Variants in PHC2 observed in about 807,000 individuals in gnomAD.
PHC2 encodes the protein polyhomeotic-like protein 2.
PHC2 carries 29 observed loss-of-function variants against 87.4 expected under a neutral mutation model. That is an observed-to-expected ratio of 0.33 (90% CI 0.25 to 0.45). The LOEUF is 0.45. Among genes scored for constraint, PHC2 ranks in the 20% least tolerant of loss-of-function variants. The probability of loss-of-function intolerance (pLI) is 1.00; values close to 1 mark genes in which losing one functional copy is unlikely to be tolerated. For missense variants in PHC2, 857 were observed against 1,136.7 expected (o/e 0.75, Z 3.54); for synonymous variants, 438 against 461.7 (o/e 0.95, Z 0.66).
At chr1:33,335,975 TTTGTTGTTG>T (rs112382571) in intron 9 of PHC2, among the ~76,000 whole-genome samples, 9 of 149,360 alleles carry the variant, frequency 6.0e-5, no homozygotes, top group East Asian at 2.0e-4. Context: ...AGCTCATGTT[TTTGTTGTTG>T]TTGTTGTTGT....
chr1:33,362,662 T>TA lies in PHC2; in HGVS notation c.976+4453dup, dbSNP rs561632852. Among the ~76,000 whole-genome samples, 14 of 152,326 alleles carry TA rather than the reference T, an allele frequency of 9.2e-5. 1 individual carries two copies. In the South Asian group the frequency reaches 2.9e-3, roughly 32 times the overall value. ...AGGGAAAAGGAAGGAGGGTCCCGCT[T>TA]ACACACACAGATGGTCACACGCGCA... On this transcript the variant is annotated intron_variant, in intron 7 of 14. Coordinates refer to ENST00000683057, the MANE Select transcript of PHC2 (RefSeq NM_001385109.1).
chr1:33,365,851 C>T (rs1423549332), intron 7 of PHC2, among the ~76,000 whole-genome samples: 2 of 147,236 alleles, frequency 1.4e-5, no homozygotes, highest in Non-Finnish European at 2.9e-5. Context: ...TTGCTTTTCT[C>T]TGCCTGGGAA....
chr1:33,335,104 T>C (rs55663007), intron 9 of PHC2: 1 of 705,274 alleles, frequency 1.4e-6, no homozygotes, highest in Non-Finnish European at 1.7e-6. Context: ...TCCTTCCCCA[T>C]GGGCCTGCTA....
intron 1 of PHC2, among the ~76,000 whole-genome samples, chr1:33,416,584 G>GAAAAAAAAAAAA (rs61591207): frequency 1.7e-5 from 2 of 115,822 alleles, no homozygotes; most frequent in African/African-American, 6.5e-5. Context: ...TCAAAAAAAA[G>GAAAAAAAAAAAA]AAAAAAAAAA....
At chr1:33,420,379 A>G (rs990652986) in intron 1 of PHC2, among the ~76,000 whole-genome samples, 1 of 152,200 alleles carries the variant, frequency 6.6e-6, no homozygotes, top group African/African-American at 2.4e-5. Context: ...ACAGCTTACT[A>G]AGGTCGCTAG....
intron 1 of PHC2, among the ~76,000 whole-genome samples, chr1:33,402,590 G>T (rs1454624888): frequency 1.3e-5 from 2 of 152,120 alleles, no homozygotes; most frequent in Non-Finnish European, 2.9e-5. Flanking sequence ...ATTATGGCAT[G>T]TTAATTCAAT....
chr1:33,325,175 T>C, intron 14 of PHC2, 156 bp from the exon 15 acceptor site: 1 of 745,200 alleles, frequency 1.3e-6, no homozygotes, highest in Non-Finnish European at 2.1e-6. Context: ...GTTCTTATTT[T>C]GCAGCTTGAG....
intron 7 of PHC2, among the ~76,000 whole-genome samples, chr1:33,365,444 A>T (rs1647393883): frequency 6.6e-6 from 1 of 152,124 alleles, no homozygotes; most frequent in Non-Finnish European, 1.5e-5. Flanking sequence ...CTGGGCTGGA[A>T]GGGGGTTCTC....
intron 1 of PHC2, among the ~76,000 whole-genome samples, chr1:33,388,156 A>G (rs1000684718): frequency 9.2e-5 from 14 of 152,132 alleles, no homozygotes; most frequent in Admixed American, 9.2e-4. Context: ...GCTGGGCACA[A>G]GCTCAGAGAG....
intron 14 of PHC2, among the ~76,000 whole-genome samples, chr1:33,326,745 G>C (rs1286016156): frequency 1.3e-5 from 2 of 152,202 alleles, no homozygotes; most frequent in Non-Finnish European, 2.9e-5. Context: ...CCTGAGGTAA[G>C]GAGTTTGAGA....
chr1:33,406,374 G>C (rs1649762549), intron 1 of PHC2, among the ~76,000 whole-genome samples: 1 of 151,854 alleles, frequency 6.6e-6, no homozygotes. Context: ...CTTACATCAG[G>C]ATTTCTCCAA....
intron 1 of PHC2, among the ~76,000 whole-genome samples, chr1:33,379,716 C>T (rs1291103209): frequency 3.3e-5 from 5 of 151,088 alleles, no homozygotes; most frequent in East Asian, 2.0e-4. Context: ...AATACGAGCA[C>T]GTCCTCCCCC....
chr1:33,367,244 A>C lies in PHC2; in HGVS notation c.848T>G (p.Ile283Arg), dbSNP rs1203338020. The C allele has an allele frequency of 6.2e-7, 1 of 1,613,994 alleles. No homozygotes were observed. Among genetic ancestry groups the C allele is most frequent in the East Asian group, 2.2e-5 (1 of 44,890 alleles). ...GTGTGGCTCCATCACACTGTCAGCT[A>C]TGCCAGGCTTGGCACCTGCAGGGGA... ...QASPAGAKPGIADSVMEPHKK... is the reference protein window; with the variant it reads ...QASPAGAKPGRADSVMEPHKK... Residue 283 changes from isoleucine (I) to arginine (R), a missense_variant, in exon 7 of 15, where the codon ATA becomes AGA. Ile to Arg is a moderately conservative substitution (Grantham distance 97). Around this residue, in one of 3 missense-constraint regions of PHC2, gnomAD observed 832 missense variants for 1,081.8 expected, o/e 0.77. Transcript: ENST00000683057.
intron 1 of PHC2, among the ~76,000 whole-genome samples, chr1:33,419,516 C>T (rs938770818): frequency 2.6e-5 from 4 of 152,216 alleles, no homozygotes; most frequent in Admixed American, 6.5e-5. Flanking sequence ...TCCTCTGCCT[C>T]TCTAAGGACA....
chr1:33,404,435 T>C (rs2148381927), intron 1 of PHC2, among the ~76,000 whole-genome samples: 1 of 152,308 alleles, frequency 6.6e-6, no homozygotes, highest in South Asian at 2.1e-4. Flanking sequence ...TTCCTTTCCT[T>C]CTAATTAAGA....
Position 33,324,814 on chromosome 1 carries a change from T to G in PHC2, c.*51A>C. 6.4e-7 allele frequency: 1 copy of G among 1,561,518 alleles called. No homozygotes were observed. Among genetic ancestry groups the G allele is most frequent in the Middle Eastern group, 2.0e-4 (1 of 4,952 alleles). On this transcript the variant is annotated 3_prime_UTR_variant, in exon 15 of 15. Transcript: ENST00000683057. Reference sequence around the variant, plus strand: ...CCCCTCAGGAATGTCTGTCTGGCTCTGCTCAGTCGGGAGGAGGCGCCCTGG... The same window carrying G: ...CCCCTCAGGAATGTCTGTCTGGCTCGGCTCAGTCGGGAGGAGGCGCCCTGG...
At chr1:33,346,887 C>T in intron 9 of PHC2, 2 of 985,426 alleles carry the variant, frequency 2.0e-6, no homozygotes, top group Non-Finnish European at 2.4e-6. Context: ...GTTCCTAATT[C>T]TGAGACAATA....
chr1:33,325,837 G>T, intron 14 of PHC2: 1 of 456,390 alleles, frequency 2.2e-6, no homozygotes, highest in Non-Finnish European at 4.4e-6. Flanking sequence ...ATAGATGTGG[G>T]CGTGGCCTCA....
chr1:33,372,362 A>G lies in PHC2; in HGVS notation c.260T>C (p.Met87Thr). ...QMYAAQQQHL[M>T]LQTAALQQQH... is the part of the protein sequence containing the mutation. ...CTGCTGGAGCGCCGCGGTCTGCAGC[A>G]TGAGGTGCTGCTGCTGGGCGGCGTA... Residue 87 changes from methionine to threonine, a missense_variant, in exon 3 of 15, where the codon ATG becomes ACG. Met to Thr is a moderately conservative substitution (Grantham distance 81). Around this residue, in one of 3 missense-constraint regions of PHC2, gnomAD observed 832 missense variants for 1,081.8 expected, o/e 0.77. Coordinates refer to ENST00000683057, the MANE Select transcript of PHC2 (RefSeq NM_001385109.1). 4 of 1,607,004 alleles carry G rather than the reference A, an allele frequency of 2.5e-6. No individual in the cohort carries two copies. The highest frequency in any genetic ancestry group is 3.4e-6 in the Non-Finnish European group (4 of 1,176,138).
Sources: gnomAD v4.1 joint callset for allele counts (sites outside exome capture counted in the v4.1 genomes callset) on GRCh38, gnomAD v4.1.1 for gene constraint, gnomAD v4.1.1 regional missense constraint, MANE v1.5 for transcripts, NCBI Gene and HGNC (gene_info 2026-07-23, HGNC 2026-07-21) for gene names.